DACT1: variants seen among roughly 807,000 people sequenced by gnomAD.
The protein encoded by DACT1 is dishevelled binding antagonist of beta catenin 1.
In DACT1, 19 loss-of-function variants were observed where a neutral mutation model predicts 35.3. That is an observed-to-expected ratio of 0.54 (90% CI 0.38 to 0.79). DACT1 has a LOEUF of 0.79. Ranked by LOEUF, DACT1 falls within the 30% of genes least tolerant of loss-of-function variation. DACT1 has a pLI of 0.00. For synonymous variants in DACT1, 545 were observed against 466.7 expected, an observed-to-expected ratio of 1.17 and a Z score of -2.16; for missense variants, 1,143 against 1,057.5, an observed-to-expected ratio of 1.08 and a Z score of -1.12.
intron 3 of DACT1, among the ~76,000 whole-genome samples, chr14:58,644,948 CAT>C (rs1490127904): frequency 6.6e-6 from 1 of 152,154 alleles, no homozygotes; most frequent in Admixed American, 6.5e-5. Flanking sequence ...AGATTATAAT[CAT>C]ATTCTAGTAT....
At position 58,646,844 on chromosome 14, in the gene DACT1, A is replaced by T. The variant is rs761412370; in HGVS notation, c.2110A>T (p.Thr704Ser). The change falls in exon 4 of 4, where the codon ACC becomes TCC. Residue 704 changes from threonine (T) to serine (S), a missense_variant. Thr to Ser is a moderately conservative substitution (Grantham distance 58). This residue lies in a region of DACT1 where 1,054 missense variants were observed against 958.8 expected (regional missense o/e 1.10). Coordinates refer to ENST00000395153, the MANE Select transcript of DACT1 (RefSeq NM_001079520.2). Reference protein sequence around the residue: ...ESLFHSTVVDTSEDEQSNYTT... With the variant: ...ESLFHSTVVDSSEDEQSNYTT... ...CCTGTTCCACTCCACCGTGGTGGAC[A>T]CCAGTGAGGACGAGCAGAGCAATTA... 6 of 1,614,032 alleles carry T rather than the reference A, an allele frequency of 3.7e-6. No individual in the cohort carries two copies. Among genetic ancestry groups the T allele is most frequent in the Non-Finnish European group, 4.2e-6 (5 of 1,180,024 alleles).
upstream of DACT1, among the ~76,000 whole-genome samples, chr14:58,635,743 TAA>T (rs1389789909): frequency 6.6e-6 from 1 of 152,148 alleles, no homozygotes; most frequent in African/African-American, 2.4e-5. Context: ...CTGCCTGACT[TAA>T]GATTTATTAG....
upstream of DACT1, among the ~76,000 whole-genome samples, chr14:58,637,831 C>T (rs1203081529): frequency 6.7e-6 from 1 of 149,356 alleles, no homozygotes; most frequent in Admixed American, 6.7e-5. Flanking sequence ...CTCTGGGGGC[C>T]GGGCGGCGCG....
chr14:58,643,756 G>A (rs1430115072), intron 3 of DACT1, among the ~76,000 whole-genome samples: 1 of 152,206 alleles, frequency 6.6e-6, no homozygotes, highest in Non-Finnish European at 1.5e-5. Flanking sequence ...AGGGAAAAGG[G>A]ATGAATAGTG....
upstream of DACT1, among the ~76,000 whole-genome samples, chr14:58,636,279 G>C (rs182500478): frequency 7.2e-5 from 11 of 152,202 alleles, no homozygotes; most frequent in East Asian, 1.7e-3. Flanking sequence ...AGATTAAATG[G>C]GTACTATTAA....
Position 58,640,852 on chromosome 14 carries a change from C to T in DACT1, c.462C>T (p.Asp154=). ...CATCTGAAGAGCACCTGGAGACAGA[C>T]AGTCGGCCTAGCTCAGGTGAGTGAT... is the stretch of plus-strand genomic sequence containing the variant. ...EKTSEEHLET[D]SRPSSGFYEL... Residue 154 remains aspartate, a synonymous_variant, in exon 2 of 4, where the codon GAC becomes GAT. Coordinates refer to ENST00000395153, the MANE Select transcript of DACT1 (RefSeq NM_001079520.2). 6.2e-7 allele frequency: 1 copy of T among 1,614,142 alleles called. No individual in the cohort carries two copies. Among genetic ancestry groups the T allele is most frequent in the Non-Finnish European group, 8.5e-7 (1 of 1,180,014 alleles).
Position 58,645,717 on chromosome 14 carries a change from A to AC in DACT1, c.987dup (p.Thr330HisfsTer27). 6.2e-7 allele frequency: 1 copy of AC among 1,614,194 alleles called. No individual in the cohort carries two copies. The highest frequency in any genetic ancestry group is 8.5e-7 in the Non-Finnish European group (1 of 1,180,038). ...AAACCAAGAACCAGCGTGAACGCTG[A>AC]CCCCACGAAAGGGCTTCTGAGGAAC... On this transcript the variant is annotated frameshift_variant, in exon 4 of 4. Coordinates refer to ENST00000395153, the MANE Select transcript of DACT1 (RefSeq NM_001079520.2). LOFTEE classifies it low-confidence loss of function (END_TRUNC).
rs759709811 is a variant in DACT1 at position 58,646,458 on chromosome 14, G to A, written c.1724G>A (p.Cys575Tyr). The change falls in exon 4 of 4, where the codon TGT (cysteine) becomes TAT (tyrosine). Residue 575 changes from cysteine to tyrosine, a missense_variant. Physicochemically the swap from Cys to Tyr is radical, Grantham distance 194. Transcript: ENST00000395153. The part of the protein sequence containing the change: ...REKTRAGSKK[C>Y]RFPDDLDTNK... Reference sequence around the variant, plus strand: ...AAAACGCGGGCCGGGAGCAAGAAGTGTCGCTTCCCAGATGACTTGGATACA... The same window carrying A: ...AAAACGCGGGCCGGGAGCAAGAAGTATCGCTTCCCAGATGACTTGGATACA... The A allele has an allele frequency of 2.5e-6, 4 of 1,580,024 alleles. No homozygotes were observed. In the South Asian group the frequency reaches 4.6e-5, roughly 18 times the overall value.
At chr14:58,636,457 A>T (rs145596223), upstream of DACT1, among the ~76,000 whole-genome samples, 1 of 152,314 alleles carries the variant, frequency 6.6e-6, no homozygotes, top group East Asian at 1.9e-4. Context: ...ATGTAGATGG[A>T]GAGAAGAGAT....
At chr14:58,639,763 A>G (rs1312748709) in intron 1 of DACT1, among the ~76,000 whole-genome samples, 3 of 152,240 alleles carry the variant, frequency 2.0e-5, no homozygotes, top group Non-Finnish European at 4.4e-5. Flanking sequence ...TGGTTTGTGT[A>G]ATATCTCTGT....
chr14:58,637,252 A>T (rs79227626), upstream of DACT1, among the ~76,000 whole-genome samples: 13 of 152,360 alleles, frequency 8.5e-5, no homozygotes, highest in African/African-American at 3.1e-4. Context: ...CGCGCACTCA[A>T]ATCGTAGGCT....
intron 2 of DACT1, 106 bp downstream of exon 2, chr14:58,640,974 G>A (rs2047621520): frequency 8.1e-7 from 1 of 1,237,690 alleles, no homozygotes; most frequent in Non-Finnish European, 1.1e-6. Context: ...TTTGTTTCCA[G>A]TGCAGAGAGG....
At position 58,645,980 on chromosome 14, in the gene DACT1, C is replaced by T; in HGVS notation, c.1246C>T (p.Pro416Ser). Residue 416 changes from proline to serine, a missense_variant, in exon 4 of 4, where the codon CCA becomes TCA. Physicochemically the swap from Pro to Ser is moderately conservative, Grantham distance 74. Coordinates refer to ENST00000395153, the MANE Select transcript of DACT1 (RefSeq NM_001079520.2). ...CTCCGACCTTCAGAGTAAGCACCTG[C>T]CAAAAACGGCCAAGCCAGCCTCGCA... Reference protein sequence around the residue: ...AASDLQSKHLPKTAKPASQEH... With the variant: ...AASDLQSKHLSKTAKPASQEH... 6.2e-7 allele frequency: 1 copy of T among 1,613,818 alleles called. No homozygotes were observed. The highest frequency in any genetic ancestry group is 8.5e-7 in the Non-Finnish European group (1 of 1,180,016).
chr14:58,645,153 T>TG lies in DACT1; in HGVS notation c.635-214dup, dbSNP rs2047660790. 3.5e-6 allele frequency: 3 copies of TG among 862,762 alleles called. No individual in the cohort carries two copies. In the South Asian group the frequency reaches 4.8e-5, roughly 14 times the overall value. 53.4% of individuals were successfully genotyped at this position (862,762 alleles called of 1,614,324 possible). On this transcript the variant is annotated intron_variant, in intron 3 of 3. Coordinates refer to ENST00000395153, the MANE Select transcript of DACT1 (RefSeq NM_001079520.2). ...TGGTAGGGCAGCACTTTTTAATCCT[T>TG]GGCAATCTCTTTTTACCCATGGATT...
At position 58,640,770 on chromosome 14, in the gene DACT1, A is replaced by G. The variant is rs1478817019; in HGVS notation, c.380A>G (p.Asn127Ser). The change falls in exon 2 of 4, where the codon AAT becomes AGT. Residue 127 changes from asparagine (N) to serine (S), a missense_variant. Transcript: ENST00000395153. ...CLRRRDAGLL[N>S]QLQELDKQIS... ...AGGCGAAGAGATGCTGGTTTGTTGAATCAGTTGCAAGAGCTTGACAAGCAG... is the reference window on the plus strand; with the variant it reads ...AGGCGAAGAGATGCTGGTTTGTTGAGTCAGTTGCAAGAGCTTGACAAGCAG... 1 of 1,614,006 alleles carries G rather than the reference A, an allele frequency of 6.2e-7. No individual in the cohort carries two copies. Among genetic ancestry groups the G allele is most frequent in the East Asian group, 2.2e-5 (1 of 44,884 alleles).
Position 58,646,606 on chromosome 14 carries a change from A to G in DACT1, c.1872A>G (p.Gly624=). ...HRAGSRAHGH[G]REAVVAKPKH... is the part of the protein sequence containing the mutation. ...CGGGGAGCAGGGCGCATGGCCACGG[A>G]CGGGAGGCGGTGGTGGCCAAACCTA... The change falls in exon 4 of 4, where the codon GGA becomes GGG. Residue 624 remains glycine (G), a synonymous_variant. Transcript: ENST00000395153. 1 of 1,600,524 alleles carries G rather than the reference A, an allele frequency of 6.2e-7. No individual in the cohort carries two copies. The highest frequency in any genetic ancestry group is 8.5e-7 in the Non-Finnish European group (1 of 1,173,900).
chr14:58,645,688 C>A lies in DACT1; in HGVS notation c.954C>A (p.Thr318=), dbSNP rs1424987729. The A allele has an allele frequency of 6.2e-7, 1 of 1,614,216 alleles. No homozygotes were observed. The highest frequency in any genetic ancestry group is 8.5e-7 in the Non-Finnish European group (1 of 1,180,046). Residue 318 remains threonine, a synonymous_variant, in exon 4 of 4, where the codon ACC becomes ACA. Coordinates refer to ENST00000395153, the MANE Select transcript of DACT1 (RefSeq NM_001079520.2). ...AGAAAAAAACACACCCTGTAAGGAC[C>A]AACAAACCAAGAACCAGCGTGAACG... ...LVQKKTHPVR[T]NKPRTSVNAD...
intron 3 of DACT1, 39 bp downstream of exon 3, chr14:58,641,786 A>C (rs761689496): frequency 4.5e-5 from 72 of 1,601,764 alleles, no homozygotes. Context: ...TTTAATTGGA[A>C]GGCATCAAGG....
Position 58,647,079 on chromosome 14 carries a change from A to G in DACT1, c.2345A>G (p.Lys782Arg). The change falls in exon 4 of 4, where the codon AAG becomes AGG. Residue 782 changes from lysine to arginine, a missense_variant. Coordinates refer to ENST00000395153, the MANE Select transcript of DACT1 (RefSeq NM_001079520.2). ...AAAATTAAGGCCTCACATAACCTCA[A>G]GAAGAAGATCCTCCGCTTTCGGTCT... ...FVKIKASHNL[K>R]KKILRFRSGS... 6.2e-7 allele frequency: 1 copy of G among 1,614,190 alleles called. No individual in the cohort carries two copies. The highest frequency in any genetic ancestry group is 1.1e-5 in the South Asian group (1 of 91,086).
Sources: gnomAD v4.1 joint callset for allele counts (sites outside exome capture counted in the v4.1 genomes callset) on GRCh38, gnomAD v4.1.1 for gene constraint, gnomAD v4.1.1 regional missense constraint, MANE v1.5 for transcripts, NCBI Gene and HGNC (gene_info 2026-07-23, HGNC 2026-07-21) for gene names.